Variants in ZNF678 observed in about 807,000 individuals in gnomAD.
ZNF678 encodes the protein zinc finger protein 678, also known as hypothetical protein MGC42493.
In ZNF678, 5 loss-of-function variants were observed where a neutral mutation model predicts 3.0. The ratio of observed to expected loss-of-function variants is 1.69; its 90% CI spans 0.88 to 3.56. ZNF678 has a LOEUF of 3.56. ZNF678 is among the 30% of genes most tolerant of loss of function. ZNF678 has a pLI of 0.00. For synonymous variants in ZNF678, 218 were observed against 199.6 expected (o/e 1.09, Z -0.78); for missense variants, 593 against 605.0 (o/e 0.98, Z 0.21).
rs998856808 is a variant in ZNF678, at chr1:227,660,840, G to C, written c.*5012G>C. The C allele has an allele frequency of 6.6e-6, 1 of 152,122 alleles. No individual in the cohort carries two copies. The highest frequency in any genetic ancestry group is 1.5e-5 in the Non-Finnish European group (1 of 67,998). The allele number at this position is 152,122 out of a possible 1,614,324, so 9.4% of individuals were successfully genotyped here. A position where few individuals can be genotyped will look rare whatever the true frequency, so the allele number is the denominator to read the frequency against. On this transcript the variant is annotated 3_prime_UTR_variant, in exon 4 of 4. Coordinates refer to ENST00000343776, the MANE Select transcript of ZNF678 (RefSeq NM_001367909.1). Reference sequence around the variant, plus strand: ...TTAGCATGATGTCAGATGTCCATTTGTCATATATGGCCTTTATTGGCTTGA... The same window carrying C: ...TTAGCATGATGTCAGATGTCCATTTCTCATATATGGCCTTTATTGGCTTGA...
intron 1 of ZNF678, among the ~76,000 whole-genome samples, chr1:227,605,637 A>G (rs1349720477): frequency 6.6e-6 from 1 of 152,220 alleles, no homozygotes; most frequent in Non-Finnish European, 1.5e-5. Flanking sequence ...CATAAAGTAC[A>G]TTTAGCCAAA....
At chr1:227,587,816 C>CTT (rs199804279) in intron 1 of ZNF678, among the ~76,000 whole-genome samples, 10 of 127,694 alleles carry the variant, frequency 7.8e-5, no homozygotes, top group South Asian at 5.1e-4. Context: ...TCACCCTTTC[C>CTT]TTTTTTTTTT....
rs1488514424 is a variant in ZNF678 at position 227,563,580 on chromosome 1, C to T, written c.-308C>T. On this transcript the variant is annotated 5_prime_UTR_variant, in exon 1 of 4. Transcript: ENST00000343776. ...CCTTTGTCTTGTGCTCCAGCTGGAG[C>T]TTTGGTCCCGTATTCTCGGCTATTT... is the stretch of plus-strand genomic sequence containing the variant. The T allele has an allele frequency of 7.0e-6, 6 of 862,502 alleles. No individual in the cohort carries two copies. The highest frequency in any genetic ancestry group is 4.7e-5 in the Admixed American group (2 of 42,964). 53.4% of individuals were successfully genotyped at this position (862,502 alleles called of 1,614,324 possible). A position where few individuals can be genotyped will look rare whatever the true frequency, so the allele number is the denominator to read the frequency against.
intron 3 of ZNF678, among the ~76,000 whole-genome samples, chr1:227,652,969 A>G (rs1272649985): frequency 6.6e-6 from 1 of 151,974 alleles, no homozygotes; most frequent in Non-Finnish European, 1.5e-5. Context: ...GTTTTTCTGC[A>G]TTTGGTTATC....
chr1:227,571,602 A>G (rs1306954043), intron 1 of ZNF678, among the ~76,000 whole-genome samples: 1 of 152,256 alleles, frequency 6.6e-6, no homozygotes, highest in Non-Finnish European at 1.5e-5. Context: ...TAAGCAAACT[A>G]ATGTTACATG....
chr1:227,579,583 G>A (rs1657072722), intron 1 of ZNF678, among the ~76,000 whole-genome samples: 1 of 152,138 alleles, frequency 6.6e-6, no homozygotes, highest in Admixed American at 6.5e-5. Flanking sequence ...CCTGGGGGAA[G>A]CTGCAGTATG....
At chr1:227,628,408 A>G (rs1438696145) in intron 1 of ZNF678, among the ~76,000 whole-genome samples, 3 of 152,174 alleles carry the variant, frequency 2.0e-5, no homozygotes, top group Non-Finnish European at 4.4e-5. Flanking sequence ...TCAGGTGTCC[A>G]TTCTACTAAA....
At chr1:227,617,461 T>C (rs1286401464) in intron 1 of ZNF678, among the ~76,000 whole-genome samples, 1 of 152,156 alleles carries the variant, frequency 6.6e-6, no homozygotes, top group African/African-American at 2.4e-5. Flanking sequence ...AAGAGAGGGA[T>C]AGGGCCTGGT....
At chr1:227,599,329 T>A (rs1657675024) in intron 1 of ZNF678, among the ~76,000 whole-genome samples, 1 of 152,180 alleles carries the variant, frequency 6.6e-6, no homozygotes, top group African/African-American at 2.4e-5. Flanking sequence ...GAGTGCACAG[T>A]CGCACGCTGA....
At chr1:227,645,830 C>A (rs1558153769) in intron 1 of ZNF678, among the ~76,000 whole-genome samples, 1 of 152,236 alleles carries the variant, frequency 6.6e-6, no homozygotes, top group East Asian at 1.9e-4. Flanking sequence ...TAATTTTATT[C>A]ACTAGGTTAA....
chr1:227,589,335 A>G lies in ZNF678; in HGVS notation c.-164+25611A>G, dbSNP rs545034426. ...TTAATTTTTGTGTATGGTATAAGGA[A>G]GGGATCCAGTTTCAACTTTCTGCAT... On this transcript the variant is annotated intron_variant, in intron 1 of 3. Transcript: ENST00000343776. Among the ~76,000 whole-genome samples the G allele has an allele frequency of 4.6e-5, 7 of 151,940 alleles. 2 individuals are homozygous for G. The highest frequency in any genetic ancestry group is 1.7e-4 in the African/African-American group (7 of 41,344).
Position 227,661,795 on chromosome 1 carries a change from G to A in ZNF678, c.*5967G>A, listed in dbSNP as rs1391427787. 1.3e-5 allele frequency: 2 copies of A among 152,244 alleles called. No homozygotes were observed. The highest frequency in any genetic ancestry group is 1.3e-4 in the Admixed American group (2 of 15,274). The allele number at this position is 152,244 out of a possible 1,614,324, so 9.4% of individuals were successfully genotyped here. Reference sequence around the variant, plus strand: ...TGCTGTGGTGAAGTCCTGGTTAGGAGCCTAGGAAAATGGTGAAGGAAAAGA... The same window carrying A: ...TGCTGTGGTGAAGTCCTGGTTAGGAACCTAGGAAAATGGTGAAGGAAAAGA... On this transcript the variant is annotated 3_prime_UTR_variant, in exon 4 of 4. Coordinates refer to ENST00000343776, the MANE Select transcript of ZNF678 (RefSeq NM_001367909.1).
intron 2 of ZNF678, among the ~76,000 whole-genome samples, chr1:227,647,919 G>C (rs1658996819): frequency 6.6e-6 from 1 of 152,166 alleles, no homozygotes; most frequent in South Asian, 2.1e-4. Flanking sequence ...ATTTGGTTCA[G>C]AAATCCCAGG....
intron 1 of ZNF678, among the ~76,000 whole-genome samples, chr1:227,628,319 A>G (rs1223003639): frequency 6.6e-6 from 1 of 152,186 alleles, no homozygotes; most frequent in Non-Finnish European, 1.5e-5. Context: ...CATATAAAGA[A>G]AAGTCTTGCT....
In ZNF678 at chr1:227,656,941, A is replaced by G. The variant is rs187638854; in HGVS notation, c.*1113A>G. On this transcript the variant is annotated 3_prime_UTR_variant, in exon 4 of 4. Coordinates refer to ENST00000343776, the MANE Select transcript of ZNF678 (RefSeq NM_001367909.1). ...GATAGTAACAATACACTACTGGGTA[A>G]CAGTGAAAGGACACCTCTAGTAATC... is the stretch of plus-strand genomic sequence containing the variant. 10 of 152,114 alleles carry G rather than the reference A, an allele frequency of 6.6e-5. No homozygotes were observed. In the East Asian group the frequency reaches 1.9e-3, roughly 29 times the overall value. 9.4% of individuals were successfully genotyped at this position (152,114 alleles called of 1,614,324 possible). A position where few individuals can be genotyped will look rare whatever the true frequency, so the allele number is the denominator to read the frequency against.
chr1:227,626,012 A>T (rs1658404005), intron 1 of ZNF678, among the ~76,000 whole-genome samples: 1 of 152,092 alleles, frequency 6.6e-6, no homozygotes, highest in Non-Finnish European at 1.5e-5. Flanking sequence ...CTCCTATACG[A>T]TGGGGCATCA....
At chr1:227,637,980 G>A (rs1658722357) in intron 1 of ZNF678, among the ~76,000 whole-genome samples, 1 of 152,124 alleles carries the variant, frequency 6.6e-6, no homozygotes, top group African/African-American at 2.4e-5. Flanking sequence ...GATAGTATGG[G>A]TGTCGAAGTC....
intron 5 of ZNF678, among the ~76,000 whole-genome samples, chr1:227,668,447 C>T (rs1346643476): frequency 2.0e-5 from 3 of 152,172 alleles, no homozygotes; most frequent in Non-Finnish European, 2.9e-5. Flanking sequence ...TTATAACAGT[C>T]CACACACATA....
intron 1 of ZNF678, among the ~76,000 whole-genome samples, chr1:227,639,098 GGGGGCGGTCCTTGCT>G (rs1479928867): frequency 6.6e-6 from 1 of 152,158 alleles, no homozygotes; most frequent in Non-Finnish European, 1.5e-5. Context: ...GGTCCTTGCT[GGGGGCGGTCCTTGCT>G]GGGGCCGCTC....
Sources: gnomAD v4.1 joint callset for allele counts (sites outside exome capture counted in the v4.1 genomes callset) on GRCh38, gnomAD v4.1.1 for gene constraint, MANE v1.5 for transcripts, NCBI Gene and HGNC (gene_info 2026-07-23, HGNC 2026-07-21) for gene names.